Variants in NTM observed in about 807,000 individuals in gnomAD.
NTM encodes the protein IgLON family member 2.
Under a neutral mutation model 42.1 loss-of-function variants are expected in NTM, and 13 were observed. That is an observed-to-expected ratio of 0.31 (90% CI 0.20 to 0.49). The LOEUF (loss-of-function observed/expected upper bound fraction) is 0.49. Among genes scored for constraint, NTM ranks in the 20% least tolerant of loss-of-function variants. NTM has a pLI of 0.99. For synonymous variants in NTM, 187 were observed against 179.2 expected (o/e 1.04, Z -0.35); for missense variants, 373 against 452.8 (o/e 0.82, Z 1.60).
At chr11:132,138,615 T>TATCTATCTATC (rs1555280056) in intron 2 of NTM, among the ~76,000 whole-genome samples, 5,674 of 110,130 alleles carry the variant, frequency 0.052, 153 homozygotes, top group Middle Eastern at 0.11. Flanking sequence ...TCTATCTATC[T>TATCTATCTATC]ATCTATTCTA....
Position 132,146,258 on chromosome 11 carries a change from G to T in NTM, c.168-24G>T, listed in dbSNP as rs755702161. 6.2e-7 allele frequency: 1 copy of T among 1,613,420 alleles called. No individual in the cohort carries two copies. The highest frequency in any genetic ancestry group is 8.5e-7 in the Non-Finnish European group (1 of 1,179,540). On this transcript the variant is annotated intron_variant, in intron 2 of 8. Coordinates refer to ENST00000683400, the MANE Select transcript of NTM (RefSeq NM_001352005.2). The surrounding 1 kb of genome is among the most constrained non-coding windows in gnomAD (Gnocchi z 4.5). ...TGCTGTCGTCTCTCAGTCCCTTGAC[G>T]TACCTGTCTGGTCTTCCCTTCAGGT...
intron 1 of NTM, among the ~76,000 whole-genome samples, chr11:131,542,140 C>T (rs979730323): frequency 1.3e-5 from 2 of 152,172 alleles, no homozygotes; most frequent in African/African-American, 4.8e-5. Flanking sequence ...CATTCTATTT[C>T]CATGTGTTGT....
chr11:131,712,174 A>T (rs553566084), intron 1 of NTM, among the ~76,000 whole-genome samples: 348 of 98,630 alleles, frequency 3.5e-3, no homozygotes, highest in African/African-American at 0.01. Context: ...TTAAAAAATT[A>T]AAAAAAAAAA....
In NTM at chr11:131,651,714, T is replaced by G. The variant is rs148120904; in HGVS notation, c.83-259850T>G. ...AAATTAGCTGGGCATGGTGGCCCACTCCTGTACTCCCAGCTACTTGGGAGG... is the reference window on the plus strand; with the variant it reads ...AAATTAGCTGGGCATGGTGGCCCACGCCTGTACTCCCAGCTACTTGGGAGG... On this transcript the variant is annotated intron_variant, in intron 1 of 8. Coordinates refer to ENST00000683400, the MANE Select transcript of NTM (RefSeq NM_001352005.2). Among the ~76,000 whole-genome samples, 209 of 152,148 alleles carry G rather than the reference T, an allele frequency of 1.4e-3. 1 individual carries two copies. Among genetic ancestry groups the G allele is most frequent in the African/African-American group, 4.8e-3 (199 of 41,518 alleles).
intron 2 of NTM, among the ~76,000 whole-genome samples, chr11:132,092,692 G>A (rs1374527322): frequency 4.6e-5 from 7 of 152,090 alleles, no homozygotes; most frequent in African/African-American, 1.7e-4. Flanking sequence ...TTGTTTTCTT[G>A]ATGTTTCCAT....
At chr11:131,982,641 A>G (rs893309332) in intron 2 of NTM, among the ~76,000 whole-genome samples, 1 of 152,182 alleles carries the variant, frequency 6.6e-6, no homozygotes, top group Non-Finnish European at 1.5e-5. Context: ...GCAGGGTGGA[A>G]TAAAGGGAAA....
At chr11:132,054,959 A>G (rs2079396825) in intron 2 of NTM, among the ~76,000 whole-genome samples, 1 of 152,170 alleles carries the variant, frequency 6.6e-6, no homozygotes, top group Non-Finnish European at 1.5e-5. Context: ...TCAAGGGAGG[A>G]AACGGTGGTA....
chr11:132,010,416 C>T (rs544219671), intron 2 of NTM, among the ~76,000 whole-genome samples: 1 of 152,298 alleles, frequency 6.6e-6, no homozygotes, highest in Non-Finnish European at 1.5e-5. Flanking sequence ...GGCTGCTCTT[C>T]CCAGAGACCC....
At chr11:132,101,482 T>C (rs1352463402) in intron 2 of NTM, among the ~76,000 whole-genome samples, 3 of 152,070 alleles carry the variant, frequency 2.0e-5, no homozygotes, top group Non-Finnish European at 4.4e-5. Flanking sequence ...AAATATCTGT[T>C]GAATTCATGA....
intron 1 of NTM, among the ~76,000 whole-genome samples, chr11:131,848,186 T>A (rs967054571): frequency 3.3e-5 from 5 of 152,348 alleles, no homozygotes; most frequent in African/African-American, 1.2e-4. Context: ...GAATATATAC[T>A]TTTTTCTTCC....
intron 1 of NTM, among the ~76,000 whole-genome samples, chr11:131,701,334 C>T (rs954816019): frequency 5.9e-5 from 9 of 152,178 alleles, no homozygotes; most frequent in African/African-American, 1.4e-4. Context: ...GTATGTAAAT[C>T]GCCTAGAACC....
At chr11:131,423,686 G>A (rs911840919) in intron 1 of NTM, among the ~76,000 whole-genome samples, 4 of 152,176 alleles carry the variant, frequency 2.6e-5, no homozygotes, top group Admixed American at 1.3e-4. Flanking sequence ...TAGCAGCCCC[G>A]AGACCATGAG....
chr11:131,421,399 G>T (rs571793340), intron 1 of NTM, among the ~76,000 whole-genome samples: 49 of 152,324 alleles, frequency 3.2e-4, no homozygotes, highest in African/African-American at 1.0e-3. Flanking sequence ...AGCCCTGCCT[G>T]GGGGGAGAGG....
At chr11:132,159,275 G>T (rs2073844622) in intron 3 of NTM, among the ~76,000 whole-genome samples, 1 of 152,178 alleles carries the variant, frequency 6.6e-6, no homozygotes, top group Non-Finnish European at 1.5e-5. Flanking sequence ...GGGGTCCCGT[G>T]GCCACATGGT....
At chr11:132,016,480 CCTT>C (rs1270613955) in intron 2 of NTM, among the ~76,000 whole-genome samples, 3 of 151,702 alleles carry the variant, frequency 2.0e-5, no homozygotes, top group African/African-American at 7.3e-5. Flanking sequence ...TTTTCATTTT[CCTT>C]CTTATTGTGT....
chr11:132,310,054 C>CA, intron 5 of NTM, 58 bp from the exon 6 acceptor site: 1 of 1,401,812 alleles, frequency 7.1e-7, no homozygotes, highest in Non-Finnish European at 9.4e-7. Flanking sequence ...AAGACTCCAT[C>CA]TCAAAAAAAA....
intron 1 of NTM, among the ~76,000 whole-genome samples, chr11:131,819,755 G>T (rs956459628): frequency 6.6e-6 from 1 of 152,150 alleles, no homozygotes; most frequent in Non-Finnish European, 1.5e-5. Context: ...CGTGTTCGGG[G>T]CTGTGACAGA....
intron 2 of NTM, among the ~76,000 whole-genome samples, chr11:132,121,793 G>A (rs187168788): frequency 1.2e-4 from 18 of 152,094 alleles, no homozygotes; most frequent in African/African-American, 2.2e-4. Context: ...TAACTTAAGT[G>A]CATCACTTTT....
Position 132,069,948 on chromosome 11 carries a change from T to C in NTM, c.168-76334T>C, listed in dbSNP as rs71485727. Among the ~76,000 whole-genome samples, 1,794 of 110,228 alleles carry C rather than the reference T, an allele frequency of 0.016. 91 individuals carry two copies. The East Asian group carries it at 0.17, about 11-fold the overall frequency. 72.3% of individuals were successfully genotyped at this position (110,228 alleles called of 152,430 possible). ...ACTGACCATCACAGGTTAGTTAACATGTCACACAGCCAAGTTAACACGTCA... is the reference window on the plus strand; with the variant it reads ...ACTGACCATCACAGGTTAGTTAACACGTCACACAGCCAAGTTAACACGTCA... On this transcript the variant is annotated intron_variant, in intron 2 of 8. Transcript: ENST00000683400.
Sources: allele counts gnomAD v4.1 joint callset (sites outside exome capture counted in the v4.1 genomes callset), GRCh38; gene constraint gnomAD v4.1.1; non-coding constraint Gnocchi (gnomAD v3.1); transcripts MANE v1.5; gene names NCBI Gene and HGNC (gene_info 2026-07-23, HGNC 2026-07-21).